STRBP: variants seen among roughly 807,000 people sequenced by gnomAD.
STRBP encodes spermatid perinuclear RNA binding protein.
Under a neutral mutation model 80.1 loss-of-function variants are expected in STRBP, and 13 were observed. The observed-to-expected ratio is 0.16, with a 90% CI of 0.11 to 0.26. The LOEUF is 0.26. STRBP is among the 10% of genes least tolerant of loss of function. The pLI is 1.00. For missense variants in STRBP, 485 were observed against 815.2 expected, an observed-to-expected ratio of 0.59 and a Z score of 4.93; for synonymous variants, 284 against 291.2, an observed-to-expected ratio of 0.98 and a Z score of 0.25.
chr9:123,210,063 C>A (rs1248376529), intron 2 of STRBP, among the ~76,000 whole-genome samples: 1 of 152,114 alleles, frequency 6.6e-6, no homozygotes. Context: ...TGGGAATGAG[C>A]AATTTGTAGT....
chr9:123,158,466 T>G, intron 9 of STRBP, 37 bp from the exon 10 acceptor site: 1 of 1,584,800 alleles, frequency 6.3e-7, no homozygotes, highest in Non-Finnish European at 8.6e-7. Context: ...CATTTAGAAC[T>G]GAGTTTAGAA....
At chr9:123,137,312 C>T (rs537131901) in intron 14 of STRBP, among the ~76,000 whole-genome samples, 1 of 152,314 alleles carries the variant, frequency 6.6e-6, no homozygotes, top group East Asian at 1.9e-4. Context: ...AGATAGGGCA[C>T]TTTTTGAGGT....
In STRBP at chr9:123,160,460, T is replaced by G; in HGVS notation, c.630A>C (p.Ala210=). ...CACATGATTTTAATCCATTTGCCCT[T>G]GCCTAAAACAAACAAAATGATTCCA... is the stretch of plus-strand genomic sequence containing the variant. ...ASLRHAKWFQ[A]RANGLKSCVI... is the part of the protein sequence containing the mutation. The change falls in exon 8 of 19, where the codon GCA becomes GCC. Residue 210 remains alanine (A), a splice_region_variant and synonymous_variant. Transcript: ENST00000348403. 6.3e-7 allele frequency: 1 copy of G among 1,587,748 alleles called. No homozygotes were observed. Among genetic ancestry groups the G allele is most frequent in the Non-Finnish European group, 8.6e-7 (1 of 1,162,194 alleles).
At chr9:123,188,273 A>G (rs915423441) in intron 2 of STRBP, among the ~76,000 whole-genome samples, 2 of 152,206 alleles carry the variant, frequency 1.3e-5, no homozygotes, top group Admixed American at 6.5e-5. Context: ...CTACTGAAGG[A>G]CATCTTGATT....
chr9:123,254,476 A>G (rs865873633), intron 1 of STRBP, among the ~76,000 whole-genome samples: 10 of 151,156 alleles, frequency 6.6e-5, no homozygotes, highest in East Asian at 3.9e-4. Context: ...AAAAAAAAAA[A>G]AAAGAAAGAA....
At position 123,125,004 on chromosome 9, in the gene STRBP, C is replaced by T. The variant is rs962439343; in HGVS notation, c.*593G>A. On this transcript the variant is annotated 3_prime_UTR_variant, in exon 19 of 19. Coordinates refer to ENST00000348403, the MANE Select transcript of STRBP (RefSeq NM_018387.5). ...GTTTTCAATTCCTTGTAATTTGATA[C>T]CAAAACATATCAAAAATAATAAGCT... 3 of 983,880 alleles carry T rather than the reference C, an allele frequency of 3.0e-6. No individual in the cohort carries two copies. Among genetic ancestry groups the T allele is most frequent in the Non-Finnish European group, 3.6e-6 (3 of 828,258 alleles). 60.9% of individuals were successfully genotyped at this position (983,880 alleles called of 1,614,324 possible). A position where few individuals can be genotyped will look rare whatever the true frequency, so the allele number is the denominator to read the frequency against.
intron 1 of STRBP, among the ~76,000 whole-genome samples, chr9:123,267,801 T>G (rs923554291): frequency 1.4e-5 from 2 of 139,316 alleles, no homozygotes; most frequent in African/African-American, 5.5e-5. Flanking sequence ...GTCTTCTCCC[T>G]CCATTCCCAC....
chr9:123,177,572 AAAAAAT>A (rs1186595125), intron 4 of STRBP, among the ~76,000 whole-genome samples: 1 of 152,088 alleles, frequency 6.6e-6, no homozygotes, highest in Non-Finnish European at 1.5e-5. Flanking sequence ...CCTATCTCTA[AAAAAAT>A]AAAAATAAAA....
chr9:123,219,189 C>T (rs1423565045), intron 2 of STRBP, among the ~76,000 whole-genome samples: 1 of 152,196 alleles, frequency 6.6e-6, no homozygotes. Context: ...ACCTCACATA[C>T]AACCTTATCT....
At chr9:123,217,459 T>C (rs886223292) in intron 2 of STRBP, among the ~76,000 whole-genome samples, 4 of 152,176 alleles carry the variant, frequency 2.6e-5, no homozygotes, top group Non-Finnish European at 4.4e-5. Flanking sequence ...TTAAAGAATG[T>C]CTTTTCTAAG....
At chr9:123,222,916 C>A (rs1164915695) in intron 2 of STRBP, among the ~76,000 whole-genome samples, 1 of 151,262 alleles carries the variant, frequency 6.6e-6, no homozygotes, top group African/African-American at 2.4e-5. Context: ...ATCATCAGAA[C>A]TGGAAGCAAA....
At chr9:123,235,471 T>A (rs2040528998) in intron 2 of STRBP, among the ~76,000 whole-genome samples, 3 of 130,072 alleles carry the variant, frequency 2.3e-5, no homozygotes, top group Non-Finnish European at 3.2e-5. Context: ...CAACTGAAAA[T>A]CTAATTAAAA....
chr9:123,119,249 A>T (rs1053472530), downstream of STRBP, among the ~76,000 whole-genome samples: 1 of 152,138 alleles, frequency 6.6e-6, no homozygotes, highest in Non-Finnish European at 1.5e-5. Flanking sequence ...GTAAGCCCTG[A>T]AGGTTAGATT....
At chr9:123,191,785 A>G (rs944640290) in intron 2 of STRBP, among the ~76,000 whole-genome samples, 2 of 152,142 alleles carry the variant, frequency 1.3e-5, no homozygotes, top group Admixed American at 6.5e-5. Flanking sequence ...GTCAAGTCCT[A>G]ATTTAGGGCC....
intron 2 of STRBP, among the ~76,000 whole-genome samples, chr9:123,217,061 C>A (rs565494467): frequency 1.3e-5 from 2 of 152,250 alleles, no homozygotes; most frequent in Admixed American, 6.5e-5. Flanking sequence ...AATTGAGTTC[C>A]GATGTCAGGA....
rs538666969 is a variant in STRBP, at chr9:123,263,891, T to C, written c.-302+4545A>G. Among the ~76,000 whole-genome samples, 8 of 152,300 alleles carry C rather than the reference T, an allele frequency of 5.3e-5. No homozygotes were observed. In the South Asian group the frequency reaches 1.7e-3, roughly 32 times the overall value. ...TGTTTATTATTTCTGATATAAGAAT[T>C]GAATTTGGCTGGGCGCGATGGCTCA... On this transcript the variant is annotated intron_variant, in intron 1 of 18. Transcript: ENST00000348403.
In STRBP at chr9:123,136,657, A is replaced by G; in HGVS notation, c.1498-142T>C. The G allele has an allele frequency of 1.6e-5, 15 of 929,174 alleles. No homozygotes were observed. Among genetic ancestry groups the G allele is most frequent in the Non-Finnish European group, 2.3e-5 (15 of 638,356 alleles). 57.6% of individuals were successfully genotyped at this position (929,174 alleles called of 1,614,324 possible). On this transcript the variant is annotated intron_variant, in intron 14 of 18. Coordinates refer to ENST00000348403, the MANE Select transcript of STRBP (RefSeq NM_018387.5). This position sits in a 1 kb window ranked among gnomAD's most constrained non-coding sequence, Gnocchi z 4.2. ...GGGCTAGAATGAGTCACCTCTTTACACAAATGGCAAAATATCATTAAAGCT... is the reference window on the plus strand; with the variant it reads ...GGGCTAGAATGAGTCACCTCTTTACGCAAATGGCAAAATATCATTAAAGCT...
chr9:123,199,468 G>C (rs965963027), intron 2 of STRBP, among the ~76,000 whole-genome samples: 3 of 152,104 alleles, frequency 2.0e-5, no homozygotes, highest in African/African-American at 7.2e-5. Context: ...GATTGCTTTG[G>C]GCAGTATAGT....
intron 2 of STRBP, among the ~76,000 whole-genome samples, chr9:123,195,632 G>A (rs966967723): frequency 1.6e-4 from 25 of 152,016 alleles, no homozygotes; most frequent in African/African-American, 5.6e-4. Context: ...AGGACTAAAC[G>A]TAGCCAAAGA....
Sources: allele counts gnomAD v4.1 joint callset (sites outside exome capture counted in the v4.1 genomes callset), GRCh38; gene constraint gnomAD v4.1.1; non-coding constraint Gnocchi (gnomAD v3.1); transcripts MANE v1.5; gene names NCBI Gene and HGNC (gene_info 2026-07-23, HGNC 2026-07-21).